The following ATXN10 variants were observed in gnomAD, a reference collection of about 807,000 sequenced individuals.
The protein encoded by ATXN10 is ataxin-10.
ATXN10 carries 28 observed loss-of-function variants against 52.9 expected under a neutral mutation model. The observed-to-expected ratio is 0.53, with a 90% CI of 0.39 to 0.73. The LOEUF (loss-of-function observed/expected upper bound fraction) is 0.73. Ranked by LOEUF, ATXN10 falls within the 30% of genes least tolerant of loss-of-function variation. ATXN10 has a pLI of 0.00. For missense variants in ATXN10, 565 were observed against 577.0 expected (o/e 0.98, Z 0.21); for synonymous variants, 226 against 221.5 (o/e 1.02, Z -0.18).
chr22:45,723,405 A>T (rs1268779182), intron 6 of ATXN10, among the ~76,000 whole-genome samples: 1 of 151,698 alleles, frequency 6.6e-6, no homozygotes, highest in South Asian at 2.1e-4. Context: ...TGGGTTGTAT[A>T]GTGGTGTGGT....
intron 6 of ATXN10, among the ~76,000 whole-genome samples, chr22:45,723,172 T>C (rs190518769): frequency 2.0e-5 from 3 of 152,280 alleles, no homozygotes. Flanking sequence ...TGTGTATATA[T>C]ATATATGTAG....
chr22:45,827,153 A>G (rs1408031384), intron 10 of ATXN10, among the ~76,000 whole-genome samples: 2 of 151,362 alleles, frequency 1.3e-5, no homozygotes, highest in African/African-American at 4.9e-5. Flanking sequence ...ACACACACAC[A>G]CACACACACA....
chr22:45,678,635 C>T lies in ATXN10; in HGVS notation c.116+6456C>T, dbSNP rs1168459633. The stretch of plus-strand genomic sequence containing the variant: ...GGTGTTTCTTAGCAGGGTGCCTGGC[C>T]CATTTTGGGTACTCTGTAAATGTTG... On this transcript the variant is annotated intron_variant, in intron 1 of 11. Transcript: ENST00000252934. This position sits in a 1 kb window ranked among gnomAD's most constrained non-coding sequence, Gnocchi z 4.1. 2.0e-5 allele frequency: 3 copies of T among 152,048 alleles called. No homozygotes were observed. The highest frequency in any genetic ancestry group is 7.2e-5 in the African/African-American group (3 of 41,402). 9.4% of individuals were successfully genotyped at this position (152,048 alleles called of 1,614,324 possible).
In ATXN10 at chr22:45,781,440, A is replaced by G. The variant is rs1022698971; in HGVS notation, c.1174-25519A>G. Among the ~76,000 whole-genome samples the G allele has an allele frequency of 6.6e-6, 1 of 152,150 alleles. No individual in the cohort carries two copies. The highest frequency in any genetic ancestry group is 2.4e-5 in the African/African-American group (1 of 41,424). ...GTGAGGGACCTAGATCTTCACCACA[A>G]CCTGGCAGTAGTGAGCTGCTCTGCC... On this transcript the variant is annotated intron_variant, in intron 9 of 11. Transcript: ENST00000252934. The surrounding 1 kb of genome is among the most constrained non-coding windows in gnomAD (Gnocchi z 4.2).
rs369775264 is a variant in ATXN10 at position 45,795,626 on chromosome 22, C to T, written c.1174-11333C>T. 9.9e-5 allele frequency among the ~76,000 whole-genome samples: 15 copies of T among 152,166 alleles called. No homozygotes were observed. In the South Asian group the frequency reaches 1.9e-3, roughly 19 times the overall value. ...GTTTCGGGAAGTCAGGGACCCTGAA[C>T]GGAGGGACTGGCTGAAGCCATGGCA... On this transcript the variant is annotated intron_variant, in intron 9 of 11. Coordinates refer to ENST00000252934, the MANE Select transcript of ATXN10 (RefSeq NM_013236.4). The surrounding 1 kb of genome is among the most constrained non-coding windows in gnomAD (Gnocchi z 4.6).
rs113085629 is a variant in ATXN10, at chr22:45,733,687, C to T, written c.894+4097C>T. On this transcript the variant is annotated intron_variant, in intron 7 of 11. Coordinates refer to ENST00000252934, the MANE Select transcript of ATXN10 (RefSeq NM_013236.4). The surrounding 1 kb of genome is among the most constrained non-coding windows in gnomAD (Gnocchi z 4.4). ...CAGAGAATCACGTGAACCCGGGAGG[C>T]GGAGGTTGCTGTGAACTGAGATTGT... Among the ~76,000 whole-genome samples the T allele has an allele frequency of 8.7e-3, 1,324 of 151,606 alleles. 12 individuals carry two copies. Among genetic ancestry groups the T allele is most frequent in the African/African-American group, 0.029 (1,193 of 41,324 alleles).
chr22:45,729,504 C>T lies in ATXN10; in HGVS notation c.808C>T (p.Arg270Trp), dbSNP rs752429212. 1.1e-5 allele frequency: 17 copies of T among 1,613,962 alleles called. No homozygotes were observed. The highest frequency in any genetic ancestry group is 5.0e-5 in the Admixed American group (3 of 59,996). ...CAAGGATGACATCCCTGTGTTTTTGCGGCATGCTGAGTTGATTGCAAGCAC... is the reference window on the plus strand; with the variant it reads ...CAAGGATGACATCCCTGTGTTTTTGTGGCATGCTGAGTTGATTGCAAGCAC... ...LTKDDIPVFL[R>W]HAELIASTFV... The change falls in exon 7 of 12, where the codon CGG (arginine) becomes TGG (tryptophan). Residue 270 changes from arginine to tryptophan, a missense_variant. Coordinates refer to ENST00000252934, the MANE Select transcript of ATXN10 (RefSeq NM_013236.4).
At chr22:45,778,700 G>A (rs990996525) in intron 9 of ATXN10, among the ~76,000 whole-genome samples, 3 of 152,156 alleles carry the variant, frequency 2.0e-5, no homozygotes, top group Admixed American at 1.3e-4. Flanking sequence ...GAATAAAATC[G>A]TGTCACTGAG....
chr22:45,821,670 T>A (rs9614788), intron 10 of ATXN10, among the ~76,000 whole-genome samples: 2 of 152,196 alleles, frequency 1.3e-5, no homozygotes, highest in East Asian at 3.8e-4. Context: ...TATAGTAAAC[T>A]GCAAGTTTTA....
chr22:45,744,123 C>T lies in ATXN10; in HGVS notation c.1173+3585C>T, dbSNP rs1240743428. Among the ~76,000 whole-genome samples, 1 of 152,112 alleles carries T rather than the reference C, an allele frequency of 6.6e-6. No individual in the cohort carries two copies. Among genetic ancestry groups the T allele is most frequent in the African/African-American group, 2.4e-5 (1 of 41,426 alleles). ...ACGAATGTTTGCTGGCTTGGGGATC[C>T]TTTGACGGGTAATTCAGGCAAGGTA... On this transcript the variant is annotated intron_variant, in intron 9 of 11. Transcript: ENST00000252934. This position sits in a 1 kb window ranked among gnomAD's most constrained non-coding sequence, Gnocchi z 4.9.
Position 45,775,825 on chromosome 22 carries a change from C to T in ATXN10, c.1174-31134C>T, listed in dbSNP as rs1311328638. Among the ~76,000 whole-genome samples, 2 of 152,124 alleles carry T rather than the reference C, an allele frequency of 1.3e-5. No homozygotes were observed. Among genetic ancestry groups the T allele is most frequent in the African/African-American group, 2.4e-5 (1 of 41,396 alleles). Reference sequence around the variant, plus strand: ...ACCAATAATAAATATTCTACAGCCTCTAACCTGATAGATCATTCCGCCCCT... The same window carrying T: ...ACCAATAATAAATATTCTACAGCCTTTAACCTGATAGATCATTCCGCCCCT... On this transcript the variant is annotated intron_variant, in intron 9 of 11. Coordinates refer to ENST00000252934, the MANE Select transcript of ATXN10 (RefSeq NM_013236.4). The surrounding 1 kb of genome is among the most constrained non-coding windows in gnomAD (Gnocchi z 4.7).
At chr22:45,706,083 T>C (rs1924030430) in intron 5 of ATXN10, among the ~76,000 whole-genome samples, 1 of 152,200 alleles carries the variant, frequency 6.6e-6, no homozygotes, top group Non-Finnish European at 1.5e-5. Flanking sequence ...TAGAACAGTT[T>C]CTTCCTGAAA....
intron 4 of ATXN10, among the ~76,000 whole-genome samples, chr22:45,702,230 A>G (rs1923867734): frequency 6.6e-6 from 1 of 152,172 alleles, no homozygotes; most frequent in Non-Finnish European, 1.5e-5. Flanking sequence ...TAGCTAGAGG[A>G]GCTAGGAGTT....
intron 1 of ATXN10, chr22:45,673,859 C>T (rs1922573987): frequency 6.6e-6 from 1 of 152,042 alleles, no homozygotes; most frequent in Non-Finnish European, 1.5e-5. Flanking sequence ...ACCGATGAGA[C>T]AATTAAGTAA....
rs1922934280 is a variant in ATXN10 at position 45,681,794 on chromosome 22, G to A, written c.117-7918G>A. Among the ~76,000 whole-genome samples the A allele has an allele frequency of 2.0e-5, 3 of 151,882 alleles. No individual in the cohort carries two copies. The highest frequency in any genetic ancestry group is 1.5e-5 in the Non-Finnish European group (1 of 67,976). On this transcript the variant is annotated intron_variant, in intron 1 of 11. Transcript: ENST00000252934. The surrounding 1 kb of genome is among the most constrained non-coding windows in gnomAD (Gnocchi z 4.2). ...TGGTCCCTTGACTCTCCTGCTCCCC[G>A]AGTCAGGTATTTCATGCTCCACCCT...
chr22:45,730,756 A>G (rs1362778481), intron 7 of ATXN10, among the ~76,000 whole-genome samples: 1 of 152,138 alleles, frequency 6.6e-6, no homozygotes, highest in Non-Finnish European at 1.5e-5. Context: ...TCTTATTTCT[A>G]CTTATTTTAG....
chr22:45,688,493 A>G lies in ATXN10; in HGVS notation c.117-1219A>G, dbSNP rs1286533126. ...CCGACAGAGAGAAAACATAATAAAT[A>G]ATGTGAGTTCTATTGTCTGTTCGTA... On this transcript the variant is annotated intron_variant, in intron 1 of 11. Transcript: ENST00000252934. The surrounding 1 kb of genome is among the most constrained non-coding windows in gnomAD (Gnocchi z 4.0). Among the ~76,000 whole-genome samples the G allele has an allele frequency of 6.6e-6, 1 of 152,222 alleles. No individual in the cohort carries two copies. Among genetic ancestry groups the G allele is most frequent in the Non-Finnish European group, 1.5e-5 (1 of 68,046 alleles).
At chr22:45,807,088 T>C in intron 10 of ATXN10, 66 bp downstream of exon 10, 1 of 1,299,506 alleles carries the variant, frequency 7.7e-7, no homozygotes, top group Non-Finnish European at 1.1e-6. Flanking sequence ...ACAAGTCCCT[T>C]GCCTCATGTT....
intron 2 of ATXN10, 59 bp downstream of exon 2, chr22:45,689,962 ATTTGG>A (rs1264064346): frequency 9.5e-6 from 15 of 1,573,024 alleles, no homozygotes; most frequent in Non-Finnish European, 1.3e-5. Flanking sequence ...TGGTTCTGTC[ATTTGG>A]TTTATCTGTT....
Sources: allele counts gnomAD v4.1 joint callset (sites outside exome capture counted in the v4.1 genomes callset), GRCh38; gene constraint gnomAD v4.1.1; non-coding constraint Gnocchi (gnomAD v3.1); transcripts MANE v1.5; gene names NCBI Gene and HGNC (gene_info 2026-07-23, HGNC 2026-07-21).